The following BOC variants were observed in gnomAD, a reference collection of about 807,000 sequenced individuals.
BOC encodes BOC cell adhesion associated, oncogene regulated.
BOC carries 76 observed loss-of-function variants against 112.0 expected under a neutral mutation model. That is an observed-to-expected ratio of 0.68 (90% CI 0.56 to 0.82). The LOEUF is 0.82. BOC is among the 40% of genes least tolerant of loss of function. BOC has a pLI of 0.00. For missense variants in BOC, 1,309 were observed against 1,511.7 expected (o/e 0.87, Z 2.22); for synonymous variants, 580 against 599.8 (o/e 0.97, Z 0.48).
At chr3:113,216,075 A>C (rs1939316012) in intron 1 of BOC, 112 bp from the exon 2 acceptor site, 1 of 288,162 alleles carries the variant, frequency 3.5e-6, no homozygotes, top group African/African-American at 2.2e-5. Context: ...CTTATTTATA[A>C]AATGTATTGA....
chr3:113,219,898 T>G (rs1350408111), intron 2 of BOC, among the ~76,000 whole-genome samples: 3 of 152,226 alleles, frequency 2.0e-5, no homozygotes, highest in Admixed American at 1.3e-4. Context: ...CTCTTATTTC[T>G]TCCCCCCTCC....
intron 2 of BOC, among the ~76,000 whole-genome samples, chr3:113,234,347 C>T (rs1943125137): frequency 6.6e-6 from 1 of 151,918 alleles, no homozygotes; most frequent in African/African-American, 2.4e-5. Flanking sequence ...TGAGGACGGC[C>T]TGTGTGTGTG....
At chr3:113,280,730 G>C in intron 14 of BOC, 67 bp downstream of exon 14, 1 of 1,323,042 alleles carries the variant, frequency 7.6e-7, no homozygotes, top group Non-Finnish European at 1.1e-6. Flanking sequence ...TGGGGGACAA[G>C]GTATTGGTGA....
intron 4 of BOC, among the ~76,000 whole-genome samples, chr3:113,259,310 G>C (rs532036408): frequency 1.3e-5 from 2 of 152,142 alleles, no homozygotes; most frequent in African/African-American, 4.8e-5. Flanking sequence ...ACAATACTGG[G>C]TTCATTTTCT....
intron 16 of BOC, 130 bp downstream of exon 16, chr3:113,283,762 G>C: frequency 5.9e-6 from 5 of 847,454 alleles, no homozygotes; most frequent in Non-Finnish European, 1.8e-6. Flanking sequence ...GGAGGTCAGA[G>C]AACACCCAAC....
chr3:113,274,486 C>T lies in BOC; in HGVS notation c.1346C>T (p.Pro449Leu), dbSNP rs1356311232. Residue 449 changes from proline to leucine, a missense_variant, in exon 9 of 20, where the codon CCC (proline) becomes CTC (leucine). Coordinates refer to ENST00000682979, the MANE Select transcript of BOC (RefSeq NM_001378074.1). The surrounding 1 kb of genome is among the most constrained non-coding windows in gnomAD (Gnocchi z 4.8). Reference protein sequence around the residue: ...EQMLRGQPALPRPPTSVGPAS... With the variant: ...EQMLRGQPALLRPPTSVGPAS... ...ATGCTGAGGGGGCAACCGGCGCTCC[C>T]CAGACCCCCAACGTCAGTGGGGCCT... The T allele has an allele frequency of 3.1e-6, 5 of 1,612,136 alleles. No individual in the cohort carries two copies. Among genetic ancestry groups the T allele is most frequent in the African/African-American group, 1.3e-5 (1 of 74,898 alleles).
chr3:113,225,450 A>G (rs1161040863), intron 2 of BOC, among the ~76,000 whole-genome samples: 6 of 152,214 alleles, frequency 3.9e-5, no homozygotes, highest in Admixed American at 3.9e-4. Flanking sequence ...TGGAAATTCC[A>G]TGCTGAAGAT....
At chr3:113,262,421 T>A (rs1946990118) in intron 4 of BOC, among the ~76,000 whole-genome samples, 1 of 152,240 alleles carries the variant, frequency 6.6e-6, no homozygotes, top group Non-Finnish European at 1.5e-5. Context: ...TAATAGACAA[T>A]TCTGCAGCAC....
intron 2 of BOC, among the ~76,000 whole-genome samples, chr3:113,246,424 A>G (rs897553050): frequency 6.6e-6 from 1 of 152,176 alleles, no homozygotes; most frequent in Non-Finnish European, 1.5e-5. Context: ...TCATTTCACA[A>G]TGGGACAACG....
chr3:113,241,924 G>A (rs1236170656), intron 2 of BOC, among the ~76,000 whole-genome samples: 3 of 152,132 alleles, frequency 2.0e-5, no homozygotes, highest in Admixed American at 1.3e-4. Flanking sequence ...GAGAAGGGAG[G>A]AGGAGGAGGC....
At chr3:113,260,656 T>TTAGAATAGAATAGAA (rs1221490195) in intron 4 of BOC, among the ~76,000 whole-genome samples, 4 of 104,396 alleles carry the variant, frequency 3.8e-5, no homozygotes, top group African/African-American at 1.6e-4. Context: ...TTAGATTCTA[T>TTAGAATAGAATAGAA]TAGAATAGAA....
Position 113,279,418 on chromosome 3 carries a change from A to G in BOC, c.1986A>G (p.Pro662=), listed in dbSNP as rs2649878. The G allele has an allele frequency of 0.36, 574,357 of 1,613,848 alleles. 115,896 individuals carry two copies. The highest frequency in any genetic ancestry group is 0.79 in the African/African-American group (59,058 of 75,004). ...TTCTGGCCACCAGCGCCATCCCCCCATCGCGGCTGTCCGTGGAGATCACGG... is the reference window on the plus strand; with the variant it reads ...TTCTGGCCACCAGCGCCATCCCCCCGTCGCGGCTGTCCGTGGAGATCACGG... ...DWILATSAIP[P]SRLSVEITGL... is the part of the protein sequence containing the mutation. The change falls in exon 12 of 20, where the codon CCA becomes CCG. Residue 662 remains proline, a synonymous_variant. Coordinates refer to ENST00000682979, the MANE Select transcript of BOC (RefSeq NM_001378074.1).
chr3:113,241,114 G>A (rs1239867828), intron 2 of BOC, among the ~76,000 whole-genome samples: 1 of 152,218 alleles, frequency 6.6e-6, no homozygotes, highest in Non-Finnish European at 1.5e-5. Flanking sequence ...CCACTGGAGA[G>A]CTGAGAATTG....
intron 2 of BOC, among the ~76,000 whole-genome samples, chr3:113,232,437 G>A (rs914555803): frequency 6.6e-6 from 1 of 152,232 alleles, no homozygotes; most frequent in African/African-American, 2.4e-5. Flanking sequence ...GACTGAATGT[G>A]TATATTTGGG....
At chr3:113,240,645 A>AT (rs1206084590) in intron 2 of BOC, among the ~76,000 whole-genome samples, 2 of 152,096 alleles carry the variant, frequency 1.3e-5, no homozygotes, top group African/African-American at 2.4e-5. Context: ...TAAATTTGTG[A>AT]TTTTTTACAA....
At chr3:113,232,494 G>C (rs1942772130) in intron 2 of BOC, among the ~76,000 whole-genome samples, 2 of 152,178 alleles carry the variant, frequency 1.3e-5, no homozygotes, top group Non-Finnish European at 2.9e-5. Context: ...GGTCAGATGG[G>C]AAAGAAAGTA....
At position 113,239,565 on chromosome 3, in the gene BOC, T is replaced by C. The variant is rs79608790; in HGVS notation, c.-81-10157T>C. Among the ~76,000 whole-genome samples the C allele has an allele frequency of 6.9e-3, 1,058 of 152,354 alleles. 27 individuals are homozygous for C. Among genetic ancestry groups the C allele is most frequent in the Admixed American group, 0.046 (701 of 15,308 alleles). On this transcript the variant is annotated intron_variant, in intron 2 of 19. Transcript: ENST00000682979. ...TTCAGGCTCCTTCCATGTCACATAC[T>C]GTACATGCTTTCATTCCAGCACAGG...
intron 2 of BOC, among the ~76,000 whole-genome samples, chr3:113,246,668 C>G (rs1576400520): frequency 6.7e-6 from 1 of 148,762 alleles, no homozygotes; most frequent in East Asian, 2.1e-4. Context: ...ACCAAGCCCC[C>G]CAACCTTCCC....
At chr3:113,213,638 G>T (rs1321114455) in intron 1 of BOC, among the ~76,000 whole-genome samples, 1 of 152,184 alleles carries the variant, frequency 6.6e-6, no homozygotes, top group Non-Finnish European at 1.5e-5. Context: ...TTTGAGGTGT[G>T]TAACAGGTTT....
Sources: allele counts gnomAD v4.1 joint callset (sites outside exome capture counted in the v4.1 genomes callset), GRCh38; gene constraint gnomAD v4.1.1; non-coding constraint Gnocchi (gnomAD v3.1); transcripts MANE v1.5; gene names NCBI Gene and HGNC (gene_info 2026-07-23, HGNC 2026-07-21).